Variants in PTPRE observed in about 807,000 individuals in gnomAD.
PTPRE encodes the protein receptor-type tyrosine-protein phosphatase epsilon.
PTPRE carries 51 observed loss-of-function variants against 102.0 expected under a neutral mutation model. That is an observed-to-expected ratio of 0.50 (90% CI 0.40 to 0.63). The LOEUF is 0.63. Among genes scored for constraint, PTPRE ranks in the 30% least tolerant of loss-of-function variants. The pLI, the probability that PTPRE is intolerant of heterozygous loss-of-function variation, is 0.00. For synonymous variants in PTPRE, 345 were observed against 348.2 expected (o/e 0.99, Z 0.10); for missense variants, 752 against 915.1 (o/e 0.82, Z 2.30).
At chr10:128,073,921 T>C (rs1409320547) in intron 17 of PTPRE, among the ~76,000 whole-genome samples, 1 of 152,270 alleles carries the variant, frequency 6.6e-6, no homozygotes, top group Non-Finnish European at 1.5e-5. Flanking sequence ...AACAGCTTTA[T>C]TGTGATATAA....
At position 128,011,704 on chromosome 10, in the gene PTPRE, ATCTG is replaced by A. The variant is rs141381883; in HGVS notation, c.-7-29168_-7-29165del. ...ACTCCTGTCACTCTATGCTTCCTCT[ATCTG>A]TCCTGTTGGGCTGTGAGCATCCTAG... On this transcript the variant is annotated intron_variant, in intron 2 of 20. Transcript: ENST00000254667. Among the ~76,000 whole-genome samples the A allele has an allele frequency of 2.9e-4, 44 of 152,264 alleles. 1 individual carries two copies. In the East Asian group the frequency reaches 8.1e-3, roughly 28 times the overall value.
intron 20 of PTPRE, among the ~76,000 whole-genome samples, chr10:128,082,380 T>A (rs1851803844): frequency 6.6e-6 from 1 of 151,436 alleles, no homozygotes; most frequent in African/African-American, 2.4e-5. Context: ...CCCAGCTAAT[T>A]TTTGTATCTT....
At chr10:128,075,110 G>T (rs1452638874) in intron 17 of PTPRE, among the ~76,000 whole-genome samples, 2 of 152,134 alleles carry the variant, frequency 1.3e-5, no homozygotes, top group Non-Finnish European at 2.9e-5. Context: ...ACTCAAAATT[G>T]TGCTTTTGAT....
At chr10:127,999,973 T>C in intron 2 of PTPRE, 1 of 985,218 alleles carries the variant, frequency 1.0e-6, no homozygotes. Context: ...TAAGTATCCA[T>C]GGATGCACAG....
chr10:127,984,252 T>C (rs1055663834), intron 2 of PTPRE, among the ~76,000 whole-genome samples: 6 of 151,952 alleles, frequency 3.9e-5, no homozygotes, highest in African/African-American at 7.3e-5. Context: ...TGGCTAATTT[T>C]GTATTTTTAG....
intron 7 of PTPRE, among the ~76,000 whole-genome samples, chr10:128,056,579 A>G (rs903349559): frequency 1.3e-5 from 2 of 152,234 alleles, no homozygotes; most frequent in Non-Finnish European, 2.9e-5. Context: ...GGCCCTGGGC[A>G]GCTCCCTTCC....
intron 19 of PTPRE, among the ~76,000 whole-genome samples, chr10:128,079,165 C>T (rs1023286058): frequency 6.6e-6 from 1 of 152,092 alleles, no homozygotes; most frequent in African/African-American, 2.4e-5. Flanking sequence ...AGATTACCTC[C>T]TTCCTAGACC....
chr10:128,075,516 T>C (rs1851149839), intron 17 of PTPRE, among the ~76,000 whole-genome samples: 4 of 152,000 alleles, frequency 2.6e-5, no homozygotes, highest in Admixed American at 2.6e-4. Flanking sequence ...TACCTGTATA[T>C]TCTTGTACAT....
chr10:128,047,125 G>A (rs1405235996), intron 3 of PTPRE, among the ~76,000 whole-genome samples: 2 of 152,186 alleles, frequency 1.3e-5, no homozygotes, highest in Admixed American at 6.5e-5. Context: ...TGGGGGTCTG[G>A]GGAACTCACC....
In PTPRE at chr10:128,083,125, T is replaced by C. The variant is rs929645529; in HGVS notation, c.*219T>C. ...GTCAAATAATATCCCATAAAATATATATTTCTGCTAATATTAGTAAATATC... is the reference window on the plus strand; with the variant it reads ...GTCAAATAATATCCCATAAAATATACATTTCTGCTAATATTAGTAAATATC... On this transcript the variant is annotated 3_prime_UTR_variant, in exon 21 of 21. Transcript: ENST00000254667. The C allele has an allele frequency of 3.1e-6, 1 of 320,016 alleles. No homozygotes were observed. Among genetic ancestry groups the C allele is most frequent in the African/African-American group, 2.1e-5 (1 of 46,528 alleles). The allele number at this position is 320,016 out of a possible 1,614,324, so 19.8% of individuals were successfully genotyped here. A position where few individuals can be genotyped will look rare whatever the true frequency, so the allele number is the denominator to read the frequency against.
intron 1 of PTPRE, among the ~76,000 whole-genome samples, chr10:127,908,159 C>A (rs968792825): frequency 1.5e-4 from 23 of 152,174 alleles, no homozygotes; most frequent in African/African-American, 5.3e-4. Context: ...TGTCTTGAGT[C>A]GTGACCATTC....
intron 15 of PTPRE, 147 bp downstream of exon 15, chr10:128,071,048 T>G: frequency 1.4e-6 from 1 of 724,540 alleles, no homozygotes; most frequent in Non-Finnish European, 2.3e-6. Flanking sequence ...GGCTCCTGTG[T>G]GCTGTACCAA....
intron 17 of PTPRE, among the ~76,000 whole-genome samples, chr10:128,073,834 G>T (rs1041876554): frequency 1.3e-5 from 2 of 152,118 alleles, no homozygotes; most frequent in African/African-American, 2.4e-5. Context: ...TACCAACAAT[G>T]TACATCTATC....
intron 1 of PTPRE, among the ~76,000 whole-genome samples, chr10:127,966,133 A>G (rs1407731414): frequency 6.6e-6 from 1 of 152,200 alleles, no homozygotes; most frequent in East Asian, 1.9e-4. Context: ...AGGCATGTTT[A>G]TCCTCATTTC....
chr10:127,976,154 C>A (rs1851157594), intron 1 of PTPRE, among the ~76,000 whole-genome samples: 1 of 152,154 alleles, frequency 6.6e-6, no homozygotes, highest in South Asian at 2.1e-4. Context: ...TTTTAAAAAA[C>A]ATGACAGTGA....
At position 128,028,567 on chromosome 10, in the gene PTPRE, C is replaced by G. The variant is rs1846453292; in HGVS notation, c.-7-12308C>G. ...TGGACAGGTTGCAGAAGGCCACTGC[C>G]TCGCTGCAGGAGGCTGGCCCTCAGC... is the stretch of plus-strand genomic sequence containing the variant. On this transcript the variant is annotated intron_variant, in intron 2 of 20. Transcript: ENST00000254667. This position sits in a 1 kb window ranked among gnomAD's most constrained non-coding sequence, Gnocchi z 4.5. 6.6e-6 allele frequency among the ~76,000 whole-genome samples: 1 copy of G among 152,280 alleles called. No homozygotes were observed. Among genetic ancestry groups the G allele is most frequent in the Admixed American group, 6.5e-5 (1 of 15,302 alleles).
At chr10:127,927,097 A>G (rs1215707602) in intron 1 of PTPRE, among the ~76,000 whole-genome samples, 1 of 152,046 alleles carries the variant, frequency 6.6e-6, no homozygotes, top group African/African-American at 2.4e-5. Flanking sequence ...AGCATGAGCC[A>G]CTGCGCCAGG....
chr10:127,995,696 AAAGCAAGCATTGCTTGCAGTTATGATG>A (rs1306418635), intron 2 of PTPRE, among the ~76,000 whole-genome samples: 3 of 152,238 alleles, frequency 2.0e-5, no homozygotes, highest in Non-Finnish European at 4.4e-5. Context: ...CAAGGTGGCT[AAAGCAAGCATTGCTTGCAGTTATGATG>A]AATTTGCTGA....
At chr10:128,057,896 A>G (rs7918644) in intron 7 of PTPRE, among the ~76,000 whole-genome samples, 124,583 of 152,244 alleles carry the variant, frequency 0.82, 51,252 homozygotes, top group African/African-American at 0.88. Flanking sequence ...AAGGAAGGCC[A>G]TGGCAGGAGG....
Sources: allele counts gnomAD v4.1 joint callset (sites outside exome capture counted in the v4.1 genomes callset), GRCh38; gene constraint gnomAD v4.1.1; non-coding constraint Gnocchi (gnomAD v3.1); transcripts MANE v1.5; gene names NCBI Gene and HGNC (gene_info 2026-07-23, HGNC 2026-07-21).